HK2: variants seen among roughly 807,000 people sequenced by gnomAD.
HK2 encodes hexokinase 2.
Under a neutral mutation model 92.9 loss-of-function variants are expected in HK2, and 42 were observed. The observed-to-expected ratio is 0.45, with a 90% CI of 0.35 to 0.58. The LOEUF (loss-of-function observed/expected upper bound fraction) is 0.58, where lower values mean the gene tolerates loss of function less well. Among genes scored for constraint, HK2 ranks in the 20% least tolerant of loss-of-function variants. The pLI, the probability that HK2 is intolerant of heterozygous loss-of-function variation, is 0.00. For missense variants in HK2, 978 were observed against 1,245.1 expected (o/e 0.79, Z 3.23); for synonymous variants, 422 against 468.0 (o/e 0.90, Z 1.27).
chr2:74,844,017 C>T lies in HK2; in HGVS notation c.63+9374C>T, dbSNP rs1028649508. On this transcript the variant is annotated intron_variant, in intron 1 of 17. Coordinates refer to ENST00000290573, the MANE Select transcript of HK2 (RefSeq NM_000189.5). ...AGGCACAAAATAGGATAGTACCTTG[C>T]CCCAGGGCAAGCCAGAATCCAGACC... Among the ~76,000 whole-genome samples the T allele has an allele frequency of 3.3e-5, 5 of 152,198 alleles. 1 individual carries two copies. Among genetic ancestry groups the T allele is most frequent in the African/African-American group, 1.2e-4 (5 of 41,444 alleles).
At chr2:74,849,429 G>A (rs959107668) in intron 1 of HK2, among the ~76,000 whole-genome samples, 9 of 152,222 alleles carry the variant, frequency 5.9e-5, no homozygotes, top group Admixed American at 5.2e-4. Flanking sequence ...TGGGCTGGCA[G>A]CTTGGCAGGC....
intron 1 of HK2, among the ~76,000 whole-genome samples, chr2:74,836,680 A>G (rs1327726050): frequency 6.6e-6 from 1 of 152,214 alleles, no homozygotes; most frequent in Admixed American, 6.5e-5. Context: ...TAATTGTCAG[A>G]ACCTGGGATT....
intron 10 of HK2, 127 bp from the exon 11 acceptor site, chr2:74,881,584 T>G (rs1689393193): frequency 1.0e-6 from 1 of 960,020 alleles, no homozygotes; most frequent in African/African-American, 1.6e-5. Context: ...CCTTCTGTAT[T>G]CTAGAATGTA....
chr2:74,878,602 T>C lies in HK2; in HGVS notation c.1032-86T>C, dbSNP rs980644106. ...CACTGGGTGGTGAATTTGCTGGAAC[T>C]AAAGGGCTTCCTTGCCACCCCCCGA... On this transcript the variant is annotated intron_variant, in intron 8 of 17. Transcript: ENST00000290573. 3.0e-5 allele frequency: 32 copies of C among 1,065,528 alleles called. No individual in the cohort carries two copies. In the Middle Eastern group the frequency reaches 5.9e-4, roughly 20 times the overall value. The allele number at this position is 1,065,528 out of a possible 1,614,324, so 66.0% of individuals were successfully genotyped here.
In HK2 at chr2:74,854,395, C is replaced by T; in HGVS notation, c.166C>T (p.His56Tyr). ...EMEKGLGATT[H>Y]PTAAVKMLPT... ...GGAGAAAGGGCTTGGAGCCACCACT[C>T]ACCCTACTGCAGCAGTGAAGATGCT... The change falls in exon 2 of 18, where the codon CAC becomes TAC. Residue 56 changes from histidine (H) to tyrosine (Y), a missense_variant. This residue lies in a region of HK2 where 189 missense variants were observed against 289.5 expected (regional missense o/e 0.65). Transcript: ENST00000290573. The T allele has an allele frequency of 6.2e-7, 1 of 1,614,196 alleles. No individual in the cohort carries two copies. Among genetic ancestry groups the T allele is most frequent in the Non-Finnish European group, 8.5e-7 (1 of 1,180,040 alleles).
intron 2 of HK2, among the ~76,000 whole-genome samples, chr2:74,867,012 G>C (rs1573374720): frequency 6.6e-6 from 1 of 152,130 alleles, no homozygotes; most frequent in Admixed American, 6.5e-5. Flanking sequence ...CTTGCAATTT[G>C]GTGTTCTGGG....
intron 1 of HK2, chr2:74,835,055 C>T: frequency 3.6e-6 from 1 of 280,334 alleles, no homozygotes; most frequent in Non-Finnish European, 6.9e-6. Flanking sequence ...GGAGGCTGCT[C>T]CGCTGCCGCG....
chr2:74,874,968 C>G (rs1435563966), intron 7 of HK2, among the ~76,000 whole-genome samples: 1 of 152,148 alleles, frequency 6.6e-6, no homozygotes, highest in Admixed American at 6.5e-5. Context: ...TCCTTGGCCT[C>G]CTTCACTTGG....
chr2:74,878,434 TGTGTGC>T (rs1166264111), intron 8 of HK2, among the ~76,000 whole-genome samples: 4 of 146,378 alleles, frequency 2.7e-5, no homozygotes, highest in Admixed American at 1.3e-4. Flanking sequence ...TGTGTGTGTG[TGTGTGC>T]GCACGCACAT....
intron 13 of HK2, among the ~76,000 whole-genome samples, chr2:74,885,897 A>G (rs573050763): frequency 3.4e-4 from 49 of 143,706 alleles, no homozygotes; most frequent in Non-Finnish European, 6.1e-4. Context: ...GTAAAGGAAT[A>G]AAAGAATGGC....
At chr2:74,888,866 T>C (rs1263060523) in intron 16 of HK2, among the ~76,000 whole-genome samples, 5 of 152,124 alleles carry the variant, frequency 3.3e-5, no homozygotes, top group Admixed American at 6.5e-5. Flanking sequence ...AGTCTAATGC[T>C]GCTTGGTTAG....
Position 74,865,581 on chromosome 2 carries a change from G to A in HK2, c.227-2055G>A, listed in dbSNP as rs567598818. Reference sequence around the variant, plus strand: ...GGGAAGGCTCAGAGCTGGAGTGTCTGGAAAAGCCACCCATGGCCATGAGGC... The same window carrying A: ...GGGAAGGCTCAGAGCTGGAGTGTCTAGAAAAGCCACCCATGGCCATGAGGC... On this transcript the variant is annotated intron_variant, in intron 2 of 17. Transcript: ENST00000290573. Among the ~76,000 whole-genome samples, 13 of 152,234 alleles carry A rather than the reference G, an allele frequency of 8.5e-5. 1 individual carries two copies. Among genetic ancestry groups the A allele is most frequent in the African/African-American group, 3.1e-4 (13 of 41,488 alleles).
At chr2:74,885,723 G>A in intron 13 of HK2, 134 bp downstream of exon 13, 1 of 715,040 alleles carries the variant, frequency 1.4e-6, no homozygotes, top group Non-Finnish European at 2.5e-6. Flanking sequence ...GCGTCGTTCA[G>A]CAGTTTAGTG....
chr2:74,867,085 G>T (rs1032241816), intron 2 of HK2, among the ~76,000 whole-genome samples: 1 of 152,282 alleles, frequency 6.6e-6, no homozygotes, highest in African/African-American at 2.4e-5. Flanking sequence ...GCACTGAGGA[G>T]GTAGTCGGCT....
chr2:74,888,629 G>A (rs1442206518), intron 16 of HK2, among the ~76,000 whole-genome samples: 1 of 152,214 alleles, frequency 6.6e-6, no homozygotes, highest in Non-Finnish European at 1.5e-5. Flanking sequence ...ACAGGAACTA[G>A]ACAACTGATG....
At chr2:74,889,719 G>T (rs1346816380) in intron 17 of HK2, among the ~76,000 whole-genome samples, 1 of 152,158 alleles carries the variant, frequency 6.6e-6, no homozygotes, top group East Asian at 1.9e-4. Flanking sequence ...CATGCCAGGG[G>T]TAAGTGTTGT....
At chr2:74,867,950 TTCTGG>T in intron 3 of HK2, 166 bp downstream of exon 3, 1 of 778,366 alleles carries the variant, frequency 1.3e-6, no homozygotes, top group Non-Finnish European at 2.3e-6. Context: ...GCTCAGGCTG[TTCTGG>T]TTGTATTTTA....
In HK2 at chr2:74,891,081, C is replaced by A; in HGVS notation, c.*140C>A. 1 of 942,208 alleles carries A rather than the reference C, an allele frequency of 1.1e-6. No individual in the cohort carries two copies. The allele number at this position is 942,208 out of a possible 1,614,324, so 58.4% of individuals were successfully genotyped here. On this transcript the variant is annotated 3_prime_UTR_variant, in exon 18 of 18. Coordinates refer to ENST00000290573, the MANE Select transcript of HK2 (RefSeq NM_000189.5). ...GACCCCACTGGACTGGGTTTTGTCT[C>A]TGCATCTCATTGTAGAGCTTGGTGG...
chr2:74,835,795 G>T (rs1024625897), intron 1 of HK2, among the ~76,000 whole-genome samples: 1 of 152,236 alleles, frequency 6.6e-6, no homozygotes, highest in Non-Finnish European at 1.5e-5. Flanking sequence ...ACGGAGCGTT[G>T]CTCAGTTACA....
Sources: gnomAD v4.1 joint callset for allele counts (sites outside exome capture counted in the v4.1 genomes callset) on GRCh38, gnomAD v4.1.1 for gene constraint, gnomAD v4.1.1 regional missense constraint, MANE v1.5 for transcripts, NCBI Gene and HGNC (gene_info 2026-07-23, HGNC 2026-07-21) for gene names.